Variants in YAF2 observed in about 807,000 individuals in gnomAD.
YAF2 encodes YY1-associated factor 2.
A neutral mutation model predicts 20.1 loss-of-function variants in YAF2; 7 were observed. That is an observed-to-expected ratio of 0.35 (90% CI 0.20 to 0.65). The LOEUF is 0.65. Among genes scored for constraint, YAF2 ranks in the 30% least tolerant of loss-of-function variants. The pLI is 0.69. For missense variants in YAF2, 151 were observed against 219.2 expected (o/e 0.69, Z 1.96); for synonymous variants, 74 against 76.0 (o/e 0.97, Z 0.14).
intron 2 of YAF2, among the ~76,000 whole-genome samples, chr12:42,206,920 AC>A (rs2067060892): frequency 6.6e-6 from 1 of 152,074 alleles, no homozygotes; most frequent in Non-Finnish European, 1.5e-5. Context: ...TGACCCATAT[AC>A]CTTCTACCCA....
chr12:42,228,295 T>TG lies in YAF2; in HGVS notation c.152+9303dup, dbSNP rs1239875339. On this transcript the variant is annotated intron_variant, in intron 2 of 3. Transcript: ENST00000534854. The stretch of plus-strand genomic sequence containing the variant: ...CCAGCCGCCCCGTCCGGGAGGGAGG[T>TG]GGGGGGGGGTCAGCCCCCCTGCCCG... Among the ~76,000 whole-genome samples the TG allele has an allele frequency of 0.033, 470 of 14,172 alleles. 171 individuals carry two copies. The African/African-American group carries it at 0.36, about 11-fold the overall frequency. 9.3% of individuals were successfully genotyped at this position (14,172 alleles called of 152,430 possible). A position where few individuals can be genotyped will look rare whatever the true frequency, so the allele number is the denominator to read the frequency against.
At chr12:42,186,228 T>A (rs2066470795) in intron 2 of YAF2, among the ~76,000 whole-genome samples, 1 of 136,860 alleles carries the variant, frequency 7.3e-6, no homozygotes, top group Admixed American at 7.5e-5. Flanking sequence ...GCTTGGTGGC[T>A]CAGGCCTGTA....
chr12:42,175,910 C>T (rs2066177984), intron 2 of YAF2, among the ~76,000 whole-genome samples: 1 of 151,884 alleles, frequency 6.6e-6, no homozygotes, highest in Admixed American at 6.6e-5. Flanking sequence ...GCCCCAATGT[C>T]TCCCATAAAC....
At chr12:42,235,422 A>C (rs986068418) in intron 2 of YAF2, 5 of 1,065,238 alleles carry the variant, frequency 4.7e-6, no homozygotes, top group Non-Finnish European at 5.7e-6. Context: ...TATCTTCTCT[A>C]GTAACAATAC....
At chr12:42,169,130 T>C (rs1312571134) in intron 2 of YAF2, among the ~76,000 whole-genome samples, 1 of 152,152 alleles carries the variant, frequency 6.6e-6, no homozygotes, top group Non-Finnish European at 1.5e-5. Context: ...CAAACCTCTT[T>C]CCTATCCACT....
At chr12:42,176,807 C>CA (rs942352637) in intron 2 of YAF2, among the ~76,000 whole-genome samples, 34 of 150,704 alleles carry the variant, frequency 2.3e-4, no homozygotes, top group African/African-American at 6.8e-4. Flanking sequence ...ACTAAAAATA[C>CA]AAAAAAAAAT....
intron 2 of YAF2, among the ~76,000 whole-genome samples, chr12:42,188,067 G>T (rs1019366627): frequency 2.6e-5 from 4 of 152,132 alleles, no homozygotes; most frequent in African/African-American, 9.7e-5. Context: ...GAACCACCCA[G>T]CTAAGCTGCT....
chr12:42,238,210 G>C lies in YAF2; in HGVS notation c.-30C>G, dbSNP rs1420719423. On this transcript the variant is annotated 5_prime_UTR_variant, in exon 1 of 4. Coordinates refer to ENST00000534854, the MANE Select transcript of YAF2 (RefSeq NM_005748.6). ...TGGCTATCACCGCACGCCGAGAGTC[G>C]CCGCCGCGACCGCTCTGTTTGTCAA... 2.9e-6 allele frequency: 4 copies of C among 1,387,890 alleles called. No homozygotes were observed. Among genetic ancestry groups the C allele is most frequent in the Non-Finnish European group, 2.9e-6 (3 of 1,049,652 alleles). The allele number at this position is 1,387,890 out of a possible 1,614,324, so 86.0% of individuals were successfully genotyped here.
At position 42,193,393 on chromosome 12, in the gene YAF2, C is replaced by T. The variant is rs572155618; in HGVS notation, c.153-31628G>A. Among the ~76,000 whole-genome samples, 13 of 151,566 alleles carry T rather than the reference C, an allele frequency of 8.6e-5. No individual in the cohort carries two copies. In the East Asian group the frequency reaches 2.1e-3, roughly 25 times the overall value. On this transcript the variant is annotated intron_variant, in intron 2 of 3. Transcript: ENST00000534854. The stretch of plus-strand genomic sequence containing the variant: ...TGACAATGATAATAAATGACTGTTA[C>T]TAGTTTATGTATTTACTATATTTTT...
At position 42,158,352 on chromosome 12, in the gene YAF2, G is replaced by A. The variant is rs1489078274; in HGVS notation, c.*2237C>T. The A allele has an allele frequency of 6.6e-6, 1 of 152,026 alleles. No individual in the cohort carries two copies. Among genetic ancestry groups the A allele is most frequent in the African/African-American group, 2.4e-5 (1 of 41,376 alleles). The allele number at this position is 152,026 out of a possible 1,614,324, so 9.4% of individuals were successfully genotyped here. Reference sequence around the variant, plus strand: ...AAATCTATAAAACACTATTACTTTAGGTCATCCAAGAGGGCAGGAAAATAA... The same window carrying A: ...AAATCTATAAAACACTATTACTTTAAGTCATCCAAGAGGGCAGGAAAATAA... On this transcript the variant is annotated 3_prime_UTR_variant, in exon 4 of 4. Coordinates refer to ENST00000534854, the MANE Select transcript of YAF2 (RefSeq NM_005748.6).
chr12:42,213,199 T>C (rs1169918135), intron 2 of YAF2, among the ~76,000 whole-genome samples: 1 of 152,204 alleles, frequency 6.6e-6, no homozygotes, highest in Non-Finnish European at 1.5e-5. Context: ...GAAGCCCACA[T>C]AGCAATAAAC....
chr12:42,235,667 A>G, intron 2 of YAF2: 1 of 1,525,626 alleles, frequency 6.6e-7, no homozygotes, highest in Non-Finnish European at 8.7e-7. Flanking sequence ...GAGCCTCTTC[A>G]GTTTCAATCC....
At chr12:42,169,324 A>G (rs2065987131) in intron 2 of YAF2, among the ~76,000 whole-genome samples, 1 of 152,038 alleles carries the variant, frequency 6.6e-6, no homozygotes, top group Non-Finnish European at 1.5e-5. Context: ...CAGTCATCTT[A>G]TATCTAAACT....
intron 2 of YAF2, among the ~76,000 whole-genome samples, chr12:42,189,152 A>T (rs1001975048): frequency 2.0e-5 from 3 of 152,210 alleles, no homozygotes; most frequent in Admixed American, 2.0e-4. Context: ...GAGCAAAGTC[A>T]CCATCTCAAG....
At chr12:42,223,721 C>T (rs1029608974) in intron 2 of YAF2, among the ~76,000 whole-genome samples, 16 of 151,770 alleles carry the variant, frequency 1.1e-4, no homozygotes, top group Non-Finnish European at 2.2e-4. Flanking sequence ...TCATGTCCTT[C>T]GCAGGGACAT....
At chr12:42,160,894 T>C (rs748256105) in intron 3 of YAF2, 68 bp from the exon 4 acceptor site, 8 of 1,370,796 alleles carry the variant, frequency 5.8e-6, no homozygotes, top group Non-Finnish European at 8.0e-6. Context: ...ATATAATAAA[T>C]AATAAAAGTG....
At chr12:42,175,309 A>G (rs1358615426) in intron 2 of YAF2, among the ~76,000 whole-genome samples, 3 of 152,226 alleles carry the variant, frequency 2.0e-5, no homozygotes, top group African/African-American at 7.2e-5. Flanking sequence ...AATGCAAACT[A>G]ATTTATAGTG....
chr12:42,161,379 A>T, intron 3 of YAF2: 1 of 366,772 alleles, frequency 2.7e-6, no homozygotes, highest in Non-Finnish European at 4.7e-6. Flanking sequence ...CCAGACACAA[A>T]TGTCTTCCAA....
chr12:42,228,397 C>T (rs1172333475), intron 2 of YAF2, among the ~76,000 whole-genome samples: 2 of 61,636 alleles, frequency 3.2e-5, no homozygotes, highest in African/African-American at 1.8e-4. Context: ...CCTCTCTGCC[C>T]GGCCAGCCGC....
Sources: allele counts gnomAD v4.1 joint callset (sites outside exome capture counted in the v4.1 genomes callset), GRCh38; gene constraint gnomAD v4.1.1; transcripts MANE v1.5; gene names NCBI Gene and HGNC (gene_info 2026-07-23, HGNC 2026-07-21).